Variants in CEP128 observed in about 807,000 individuals in gnomAD.
CEP128 encodes the protein centrosomal protein 128.
CEP128 carries 132 observed loss-of-function variants against 156.7 expected under a neutral mutation model. That is an observed-to-expected ratio of 0.84 (90% CI 0.73 to 0.97). The LOEUF is 0.97. CEP128 is among the 50% of genes least tolerant of loss of function. The probability of loss-of-function intolerance (pLI) is 0.00; values close to 1 mark genes in which losing one functional copy is unlikely to be tolerated. For missense variants in CEP128, 1,252 were observed against 1,281.9 expected (o/e 0.98, Z 0.36); for synonymous variants, 469 against 448.9 (o/e 1.04, Z -0.57).
At position 80,526,945 on chromosome 14, in the gene CEP128, T is replaced by C. The variant is rs1259317861; in HGVS notation, c.2996A>G (p.Tyr999Cys). Reference protein sequence around the residue: ...CSSSERTDGRYSKYRVRRNSL... With the variant: ...CSSSERTDGRCSKYRVRRNSL... The stretch of plus-strand genomic sequence containing the variant: ...ATTTCTGCGAACCCTGTATTTGGAA[T>C]ATCTTCCATCAGTTCTCTCAGATGA... Residue 999 changes from tyrosine to cysteine, a missense_variant, in exon 23 of 25, where the codon TAT becomes TGT. Physicochemically the swap from Tyr to Cys is radical, Grantham distance 194 (BLOSUM62 -2). Transcript: ENST00000555265. The C allele has an allele frequency of 6.2e-7, 1 of 1,606,406 alleles. No individual in the cohort carries two copies. The highest frequency in any genetic ancestry group is 8.5e-7 in the Non-Finnish European group (1 of 1,176,994).
At chr14:80,593,124 A>C (rs1053006842) in intron 19 of CEP128, among the ~76,000 whole-genome samples, 6 of 152,210 alleles carry the variant, frequency 3.9e-5, no homozygotes, top group Admixed American at 6.5e-5. Flanking sequence ...ACTCCTATTC[A>C]ACATAGTATT....
At chr14:80,800,954 T>TA (rs1270353842) in intron 13 of CEP128, among the ~76,000 whole-genome samples, 1 of 152,022 alleles carries the variant, frequency 6.6e-6, no homozygotes, top group Non-Finnish European at 1.5e-5. Context: ...GAAGGCAAAC[T>TA]AAAATGTGAA....
intron 23 of CEP128, among the ~76,000 whole-genome samples, chr14:80,512,614 C>T (rs750787850): frequency 6.6e-6 from 1 of 151,894 alleles, no homozygotes; most frequent in Non-Finnish European, 1.5e-5. Context: ...CAAGAACTTA[C>T]TCCTGTCATT....
chr14:80,489,073 A>G (rs1887238798), downstream of CEP128, among the ~76,000 whole-genome samples: 3 of 151,862 alleles, frequency 2.0e-5, no homozygotes, highest in Non-Finnish European at 4.4e-5. Context: ...AACCTGGCAC[A>G]TGTATACATA....
chr14:80,579,290 T>G (rs117146337), intron 20 of CEP128, among the ~76,000 whole-genome samples: 2,717 of 152,036 alleles, frequency 0.018, 31 homozygotes, highest in Non-Finnish European at 0.025. Flanking sequence ...AAGTATACAC[T>G]TGAGATTCTT....
At chr14:80,658,153 A>C (rs1895254203) in intron 19 of CEP128, among the ~76,000 whole-genome samples, 1 of 152,176 alleles carries the variant, frequency 6.6e-6, no homozygotes, top group African/African-American at 2.4e-5. Flanking sequence ...TTTTTAATTC[A>C]CCTAGTACAA....
chr14:80,572,582 T>C (rs1048934579), intron 20 of CEP128, among the ~76,000 whole-genome samples: 4 of 152,220 alleles, frequency 2.6e-5, no homozygotes, highest in African/African-American at 9.6e-5. Context: ...TGATCACTTA[T>C]GTTCTGTAAC....
intron 24 of CEP128, among the ~76,000 whole-genome samples, chr14:80,498,513 G>A (rs1369145456): frequency 6.6e-6 from 1 of 152,126 alleles, no homozygotes; most frequent in African/African-American, 2.4e-5. Flanking sequence ...GTATCTCTAG[G>A]AGACCATGGC....
intron 13 of CEP128, among the ~76,000 whole-genome samples, chr14:80,823,754 C>T (rs571050997): frequency 2.6e-4 from 40 of 152,354 alleles, no homozygotes; most frequent in African/African-American, 8.2e-4. Context: ...GCTGCTTTCA[C>T]GGACTGGCAC....
At chr14:80,804,527 T>G (rs1439357358) in intron 13 of CEP128, among the ~76,000 whole-genome samples, 3 of 152,148 alleles carry the variant, frequency 2.0e-5, no homozygotes, top group Non-Finnish European at 2.9e-5. Context: ...AACTAATCCC[T>G]GTCCAAAATA....
intron 19 of CEP128, among the ~76,000 whole-genome samples, chr14:80,726,038 G>A (rs1032079803): frequency 6.6e-6 from 1 of 152,000 alleles, no homozygotes; most frequent in African/African-American, 2.4e-5. Flanking sequence ...TAGGCAACCA[G>A]AATATGTCTC....
At chr14:80,673,763 T>C (rs558947244) in intron 19 of CEP128, among the ~76,000 whole-genome samples, 1 of 151,258 alleles carries the variant, frequency 6.6e-6, no homozygotes, top group Admixed American at 6.6e-5. Flanking sequence ...GAAGGAGATA[T>C]GAACGCCTTT....
chr14:80,941,151 G>C (rs1886131548), intron 1 of CEP128, among the ~76,000 whole-genome samples: 2 of 152,088 alleles, frequency 1.3e-5, no homozygotes, highest in Non-Finnish European at 2.9e-5. Flanking sequence ...CCCGAGAGTA[G>C]CACGCTTTCT....
chr14:80,682,389 A>G (rs985331154), intron 19 of CEP128, among the ~76,000 whole-genome samples: 2 of 152,210 alleles, frequency 1.3e-5, no homozygotes, highest in Non-Finnish European at 2.9e-5. Flanking sequence ...AGTCAGACAA[A>G]CATAAGGAAA....
chr14:80,829,801 T>G (rs1885685531), intron 13 of CEP128, among the ~76,000 whole-genome samples: 1 of 152,144 alleles, frequency 6.6e-6, no homozygotes, highest in Non-Finnish European at 1.5e-5. Flanking sequence ...TAAGAAATTG[T>G]AAAATAACTA....
At chr14:80,873,627 G>C (rs1416603949) in intron 8 of CEP128, among the ~76,000 whole-genome samples, 3 of 152,054 alleles carry the variant, frequency 2.0e-5, no homozygotes, top group Admixed American at 2.0e-4. Context: ...GACCTCAGTA[G>C]AATATTAAGG....
Position 80,778,057 on chromosome 14 carries a change from G to T in CEP128, c.2212-11C>A, listed in dbSNP as rs372922569. On this transcript the variant is annotated splice_polypyrimidine_tract_variant and intron_variant, in intron 15 of 24. Transcript: ENST00000555265. The stretch of plus-strand genomic sequence containing the variant: ...TTCTAAACTTTCAGCCTGAGAAAAA[G>T]AGAAGGAAAAAACAGAAAGTCCACT... The T allele has an allele frequency of 2.6e-5, 42 of 1,607,144 alleles. No homozygotes were observed. The highest frequency in any genetic ancestry group is 3.4e-5 in the Non-Finnish European group (40 of 1,178,368).
intron 18 of CEP128, among the ~76,000 whole-genome samples, chr14:80,746,764 C>T (rs185505018): frequency 6.6e-6 from 1 of 152,278 alleles, no homozygotes; most frequent in Non-Finnish European, 1.5e-5. Flanking sequence ...AATTAAAATG[C>T]TGTGCTTTAA....
chr14:80,586,142 C>T (rs762407398), intron 19 of CEP128, among the ~76,000 whole-genome samples: 3 of 151,834 alleles, frequency 2.0e-5, no homozygotes, highest in Non-Finnish European at 4.4e-5. Context: ...ACAATTCTGT[C>T]TTATAAGGGA....
Sources: gnomAD v4.1 joint callset for allele counts (sites outside exome capture counted in the v4.1 genomes callset) on GRCh38, gnomAD v4.1.1 for gene constraint, MANE v1.5 for transcripts, NCBI Gene and HGNC (gene_info 2026-07-23, HGNC 2026-07-21) for gene names.